ACOT7: variants seen among roughly 807,000 people sequenced by gnomAD.
The protein encoded by ACOT7 is acyl-CoA thioesterase 7, also known as cytosolic acyl coenzyme A thioester hydrolase.
In ACOT7, 12 loss-of-function variants were observed where a neutral mutation model predicts 40.2. The observed-to-expected ratio is 0.30, with a 90% CI of 0.19 to 0.48. ACOT7 has a LOEUF of 0.48. Ranked by LOEUF, ACOT7 falls within the 20% of genes least tolerant of loss-of-function variation. ACOT7 has a pLI of 0.99. For missense variants in ACOT7, 395 were observed against 530.8 expected, an observed-to-expected ratio of 0.74 and a Z score of 2.51; for synonymous variants, 228 against 219.5, an observed-to-expected ratio of 1.04 and a Z score of -0.34.
At chr1:6,326,176 C>T (rs1640792901) in intron 5 of ACOT7, among the ~76,000 whole-genome samples, 1 of 152,200 alleles carries the variant, frequency 6.6e-6, no homozygotes, top group Non-Finnish European at 1.5e-5. Flanking sequence ...GAGAAGCACA[C>T]AGTGCGTCCT....
chr1:6,268,937 A>G (rs1638936967), intron 8 of ACOT7, among the ~76,000 whole-genome samples: 1 of 152,174 alleles, frequency 6.6e-6, no homozygotes, highest in Non-Finnish European at 1.5e-5. Context: ...GGTCTGCAGA[A>G]GGCACTGCAG....
chr1:6,266,369 T>C (rs1484852425), intron 8 of ACOT7, among the ~76,000 whole-genome samples: 2 of 152,232 alleles, frequency 1.3e-5, no homozygotes, highest in Non-Finnish European at 2.9e-5. Flanking sequence ...TACATCCTGC[T>C]GGGCACAGCT....
At chr1:6,360,733 T>C in intron 1 of ACOT7, 8 of 1,602,376 alleles carry the variant, frequency 5.0e-6, no homozygotes, top group Non-Finnish European at 6.0e-6. Context: ...GCCCCAATAC[T>C]GTGCCCTTTG....
At chr1:6,321,660 G>A (rs984728121) in intron 5 of ACOT7, among the ~76,000 whole-genome samples, 11 of 152,040 alleles carry the variant, frequency 7.2e-5, no homozygotes, top group South Asian at 2.1e-4. Context: ...GACTACAGGC[G>A]CCCGCCACTG....
intron 8 of ACOT7, among the ~76,000 whole-genome samples, chr1:6,265,698 C>T (rs1638831652): frequency 6.6e-6 from 1 of 152,158 alleles, no homozygotes; most frequent in Admixed American, 6.5e-5. Flanking sequence ...ACGCCATGTT[C>T]TGACTGGCCC....
rs962605735 is a variant in ACOT7 at position 6,311,683 on chromosome 1, C to T, written c.712+6809G>A. Among the ~76,000 whole-genome samples the T allele has an allele frequency of 6.6e-6, 1 of 152,102 alleles. No individual in the cohort carries two copies. The highest frequency in any genetic ancestry group is 1.9e-4 in the East Asian group (1 of 5,184). On this transcript the variant is annotated intron_variant, in intron 6 of 8. Transcript: ENST00000361521. This position sits in a 1 kb window ranked among gnomAD's most constrained non-coding sequence, Gnocchi z 5.2. Reference sequence around the variant, plus strand: ...TACTAGGCTGCTCACTTAAGGGTACCCAGGAAGATGACAAGAAGGATTTCA... The same window carrying T: ...TACTAGGCTGCTCACTTAAGGGTACTCAGGAAGATGACAAGAAGGATTTCA...
chr1:6,313,811 CA>C (rs112424224), intron 6 of ACOT7, among the ~76,000 whole-genome samples: 334 of 141,502 alleles, frequency 2.4e-3, no homozygotes, highest in African/African-American at 3.5e-3. Context: ...ATTGTTAGTT[CA>C]AAAAAAAAAA....
intron 6 of ACOT7, among the ~76,000 whole-genome samples, chr1:6,310,501 A>C (rs1387671685): frequency 6.6e-6 from 1 of 152,246 alleles, no homozygotes; most frequent in Non-Finnish European, 1.5e-5. Context: ...GTGGTGTCCA[A>C]TGCTCTGGAG....
Position 6,281,128 on chromosome 1 carries a change from T to A in ACOT7, c.988A>T (p.Arg330Trp), listed in dbSNP as rs372605671. The change falls in exon 8 of 9, where the codon AGG becomes TGG. Residue 330 changes from arginine to tryptophan, a missense_variant. Around this residue, in one of 2 missense-constraint regions of ACOT7, gnomAD observed 309 missense variants for 470.3 expected, o/e 0.66. Transcript: ENST00000361521. ...FTYVSLSQEGRSLPVPQLVPE... is the reference protein window; with the variant it reads ...FTYVSLSQEGWSLPVPQLVPE... ...ACCAGCTGGGGCACAGGCAGCGACC[T>A]GCCTTCCTGGCTCAGCGACACGTAG... The A allele has an allele frequency of 3.1e-5, 50 of 1,613,816 alleles. No homozygotes were observed. The highest frequency in any genetic ancestry group is 4.1e-5 in the Non-Finnish European group (48 of 1,180,038).
rs896086174 is a variant in ACOT7 at position 6,311,426 on chromosome 1, C to T, written c.712+7066G>A. Among the ~76,000 whole-genome samples, 8 of 152,158 alleles carry T rather than the reference C, an allele frequency of 5.3e-5. No individual in the cohort carries two copies. The highest frequency in any genetic ancestry group is 5.2e-4 in the Admixed American group (8 of 15,280). On this transcript the variant is annotated intron_variant, in intron 6 of 8. Transcript: ENST00000361521. The surrounding 1 kb of genome is among the most constrained non-coding windows in gnomAD (Gnocchi z 5.2). ...AAATGAGAGAGACAGGCTGATGTAC[C>T]ACAAAGGTGCGGTGTTGGGGGTGCC... is the stretch of plus-strand genomic sequence containing the variant.
At chr1:6,326,317 C>T (rs546201453) in intron 5 of ACOT7, among the ~76,000 whole-genome samples, 4 of 152,318 alleles carry the variant, frequency 2.6e-5, no homozygotes, top group African/African-American at 9.6e-5. Context: ...GGGCCCCCTG[C>T]CCTGAATTGT....
intron 2 of ACOT7, among the ~76,000 whole-genome samples, chr1:6,348,814 C>T (rs1489421931): frequency 2.0e-5 from 3 of 152,226 alleles, no homozygotes; most frequent in Non-Finnish European, 4.4e-5. Flanking sequence ...AACAGTGTGG[C>T]TCAGAGCTCA....
rs186906723 is a variant in ACOT7, at chr1:6,292,518, C to T, written c.829+2346G>A. On this transcript the variant is annotated intron_variant, in intron 7 of 8. Transcript: ENST00000361521. Reference sequence around the variant, plus strand: ...TGTCTTCTAGGTTGCTAAGTTAATTCCTGGAAAAAGCATTCGACCCAGACT... The same window carrying T: ...TGTCTTCTAGGTTGCTAAGTTAATTTCTGGAAAAAGCATTCGACCCAGACT... Among the ~76,000 whole-genome samples, 6 of 152,324 alleles carry T rather than the reference C, an allele frequency of 3.9e-5. No homozygotes were observed. In the East Asian group the frequency reaches 7.7e-4, roughly 20 times the overall value.
At position 6,393,565 on chromosome 1, in the gene ACOT7, A is replaced by G; in HGVS notation, c.-166T>C. ...TGCAGAGAGCTCGCGCGGGCGTACG[A>G]TTCTGGCGGCGTGGGGGCCCAGGCA... On this transcript the variant is annotated 5_prime_UTR_variant, in exon 1 of 9. Transcript: ENST00000361521. 1 of 556,148 alleles carries G rather than the reference A, an allele frequency of 1.8e-6. No homozygotes were observed. Among genetic ancestry groups the G allele is most frequent in the Non-Finnish European group, 2.6e-6 (1 of 386,418 alleles). The allele number at this position is 556,148 out of a possible 1,614,324, so 34.5% of individuals were successfully genotyped here. A position where few individuals can be genotyped will look rare whatever the true frequency, so the allele number is the denominator to read the frequency against.
Position 6,269,781 on chromosome 1 carries a change from G to A in ACOT7, c.1015-5086C>T, listed in dbSNP as rs143960778. On this transcript the variant is annotated intron_variant, in intron 8 of 8. Coordinates refer to ENST00000361521, the MANE Select transcript of ACOT7 (RefSeq NM_007274.4). ...GGCCCCACTGCTCTTCCCGTCTCCC[G>A]GGATGGTAGTATCTGCTGGATGTTC... Among the ~76,000 whole-genome samples, 163 of 152,360 alleles carry A rather than the reference G, an allele frequency of 1.1e-3. 3 individuals carry two copies. The highest frequency in any genetic ancestry group is 6.8e-3 in the Middle Eastern group (2 of 292).
At chr1:6,308,139 CA>C (rs1417394032) in intron 6 of ACOT7, among the ~76,000 whole-genome samples, 6 of 145,530 alleles carry the variant, frequency 4.1e-5, no homozygotes, top group African/African-American at 1.3e-4. Context: ...CAGCCACAGG[CA>C]GGGGGAACAG....
intron 5 of ACOT7, among the ~76,000 whole-genome samples, chr1:6,321,093 T>C (rs143336902): frequency 0.012 from 1,858 of 152,318 alleles, 19 homozygotes; most frequent in Middle Eastern, 0.02. Context: ...GGTCTTTAGT[T>C]AGACTCTGAT....
At chr1:6,319,160 C>A (rs72854396) in intron 5 of ACOT7, among the ~76,000 whole-genome samples, 9,133 of 152,250 alleles carry the variant, frequency 0.06, 797 homozygotes, top group African/African-American at 0.19. Context: ...GAAAAAAAGC[C>A]GATGACATAT....
chr1:6,345,604 T>C (rs1215254266), intron 2 of ACOT7, among the ~76,000 whole-genome samples: 4 of 152,196 alleles, frequency 2.6e-5, no homozygotes, highest in Admixed American at 6.5e-5. Flanking sequence ...GATAAGGCAA[T>C]TGACAAACGT....
Sources: gnomAD v4.1 joint callset for allele counts (sites outside exome capture counted in the v4.1 genomes callset) on GRCh38, gnomAD v4.1.1 for gene constraint, gnomAD v4.1.1 regional missense constraint, Gnocchi (gnomAD v3.1) non-coding constraint, MANE v1.5 for transcripts, NCBI Gene and HGNC (gene_info 2026-07-23, HGNC 2026-07-21) for gene names.